Variants in TXLNB observed in about 807,000 individuals in gnomAD.
The protein encoded by TXLNB is taxilin beta, also known as beta-taxilin.
In TXLNB, 37 loss-of-function variants were observed where a neutral mutation model predicts 57.4. The observed-to-expected ratio is 0.64, with a 90% CI of 0.50 to 0.85. The LOEUF (loss-of-function observed/expected upper bound fraction) is 0.85. Ranked by LOEUF, TXLNB falls within the 40% of genes least tolerant of loss-of-function variation. The pLI, the probability that TXLNB is intolerant of heterozygous loss-of-function variation, is 0.00. For synonymous variants in TXLNB, 302 were observed against 309.6 expected, an observed-to-expected ratio of 0.98 and a Z score of 0.26; for missense variants, 848 against 825.6, an observed-to-expected ratio of 1.03 and a Z score of -0.33.
the TXLNB span, among the ~76,000 whole-genome samples, chr6:139,168,790 G>A: frequency 2.6e-5 from 4 of 152,256 alleles, no homozygotes; most frequent in South Asian, 2.1e-4. Flanking sequence ...GACTTTCAAC[G>A]TCTGAGAATA....
rs566742707 is a variant in TXLNB at position 139,264,856 on chromosome 6, C to T, written c.688-2083G>A. The stretch of plus-strand genomic sequence containing the variant: ...ATTATGGGGGTTGAGCCACTGCCCC[C>T]GGCCTATATTGTTTTTCAATGAGAC... On this transcript the variant is annotated intron_variant, in intron 4 of 9. Transcript: ENST00000358430. Among the ~76,000 whole-genome samples, 10 of 152,136 alleles carry T rather than the reference C, an allele frequency of 6.6e-5. No homozygotes were observed. The South Asian group carries it at 8.3e-4, about 13-fold the overall frequency.
At chr6:139,267,837 A>C (rs1215823525) in intron 4 of TXLNB, among the ~76,000 whole-genome samples, 1 of 152,180 alleles carries the variant, frequency 6.6e-6, no homozygotes, top group East Asian at 1.9e-4. Flanking sequence ...AATTGATATC[A>C]GATAATGTAG....
At chr6:139,318,706 T>C in the TXLNB span, among the ~76,000 whole-genome samples, 1 of 152,108 alleles carries the variant, frequency 6.6e-6, no homozygotes, top group African/African-American at 2.4e-5. Context: ...CTAACCAACT[T>C]AGAATTCTAT....
intron 8 of TXLNB, among the ~76,000 whole-genome samples, chr6:139,247,409 G>A (rs895010387): frequency 2.0e-5 from 3 of 151,288 alleles, no homozygotes; most frequent in African/African-American, 7.3e-5. Context: ...CAAAGTGCTG[G>A]GATTACAGGC....
the TXLNB span, among the ~76,000 whole-genome samples, chr6:139,163,510 C>T: frequency 1.3e-5 from 2 of 152,074 alleles, no homozygotes. Flanking sequence ...TGCGCCACTA[C>T]ACCCAGCTAA....
chr6:139,294,972 G>A (rs1321340660), upstream of TXLNB, among the ~76,000 whole-genome samples: 1 of 151,612 alleles, frequency 6.6e-6, no homozygotes, highest in Non-Finnish European at 1.5e-5. Flanking sequence ...CTGGGCGACA[G>A]AGCAAGACTC....
At chr6:139,291,838 A>G (rs1310291262) in intron 1 of TXLNB, 83 bp downstream of exon 1, 4 of 152,146 alleles carry the variant, frequency 2.6e-5, no homozygotes, top group Admixed American at 2.6e-4. Context: ...TTCACTGGCA[A>G]TCTCAAAGTT....
At chr6:139,278,503 C>G (rs1776958623) in intron 2 of TXLNB, among the ~76,000 whole-genome samples, 1 of 152,170 alleles carries the variant, frequency 6.6e-6, no homozygotes, top group African/African-American at 2.4e-5. Context: ...TTGGGTTATC[C>G]CTCTACTGAC....
the TXLNB span, among the ~76,000 whole-genome samples, chr6:139,181,504 C>T: frequency 9.9e-5 from 15 of 152,144 alleles, no homozygotes; most frequent in African/African-American, 3.4e-4. Context: ...AGATGAGTCC[C>T]GGTATTGCGG....
the TXLNB span, among the ~76,000 whole-genome samples, chr6:139,219,787 A>T: frequency 1.3e-5 from 2 of 152,174 alleles, no homozygotes; most frequent in Non-Finnish European, 2.9e-5. Flanking sequence ...GTCAGCAAAA[A>T]TCTAGAGTAT....
Position 139,243,005 on chromosome 6 carries a change from C to A in TXLNB, c.1576G>T (p.Glu526Ter), listed in dbSNP as rs1380289965. ...TPHQSKETQP[E>*]IGSSQESADA... The stretch of plus-strand genomic sequence containing the variant: ...GCACTCTCCTGAGAACTGCCTATTT[C>A]GGGTTGGGTTTCTTTGGACTGGTGC... The change falls in exon 10 of 10, where the codon GAA becomes TAA. Residue 526 changes from glutamate to a stop codon, truncating the protein, a stop_gained. Transcript: ENST00000358430. LOFTEE classifies it low-confidence loss of function (END_TRUNC). 3 of 1,613,956 alleles carry A rather than the reference C, an allele frequency of 1.9e-6. No individual in the cohort carries two copies. The highest frequency in any genetic ancestry group is 2.2e-5 in the East Asian group (1 of 44,882).
intron 6 of TXLNB, among the ~76,000 whole-genome samples, chr6:139,259,855 T>A (rs1776436345): frequency 6.6e-6 from 1 of 152,212 alleles, no homozygotes; most frequent in African/African-American, 2.4e-5. Context: ...TGCCTCAGAC[T>A]GGGCTGGCTA....
At chr6:139,161,125 G>A in the TXLNB span, among the ~76,000 whole-genome samples, 2 of 152,010 alleles carry the variant, frequency 1.3e-5, no homozygotes, top group African/African-American at 2.4e-5. Flanking sequence ...AATAATGTCC[G>A]AGTTTAGAGG....
chr6:139,239,841 TTCTCTCTCTG>T (rs570688541), downstream of TXLNB, among the ~76,000 whole-genome samples: 20 of 148,084 alleles, frequency 1.4e-4, no homozygotes, highest in African/African-American at 4.5e-4. This position sits in a 1 kb window ranked among gnomAD's most constrained non-coding sequence, Gnocchi z 4.7. Context: ...CTCCCTCCCT[TTCTCTCTCTG>T]TCTCTCTCTG....
chr6:139,310,246 C>G, the TXLNB span, among the ~76,000 whole-genome samples: 2 of 152,118 alleles, frequency 1.3e-5, no homozygotes, highest in Admixed American at 1.3e-4. Flanking sequence ...GGCTTAATAT[C>G]CAAAATTTGT....
the TXLNB span, among the ~76,000 whole-genome samples, chr6:139,225,752 T>C: frequency 6.6e-6 from 1 of 152,288 alleles, no homozygotes; most frequent in African/African-American, 2.4e-5. Context: ...CTCTTCAAAT[T>C]GATTTATACA....
rs1373116422 is a variant in TXLNB at position 139,288,710 on chromosome 6, C to A, written c.190G>T (p.Glu64Ter). ...DISEELNRQLEDIINTYGSAA... is the reference protein window; with the variant it reads ...DISEELNRQL ...GACCCATAAGTGTTAATGATGTCTTCCAGCTGTCGATTCAGCTCTTCAGAG... is the reference window on the plus strand; with the variant it reads ...GACCCATAAGTGTTAATGATGTCTTACAGCTGTCGATTCAGCTCTTCAGAG... The change falls in exon 2 of 10, where the codon GAA becomes TAA. Residue 64 changes from glutamate (E) to a stop codon, truncating the protein, a stop_gained. Transcript: ENST00000358430. LOFTEE classifies it high-confidence loss of function. The A allele has an allele frequency of 6.2e-7, 1 of 1,614,086 alleles. No individual in the cohort carries two copies. Among genetic ancestry groups the A allele is most frequent in the African/African-American group, 1.3e-5 (1 of 74,930 alleles).
chr6:139,232,878 T>C, the TXLNB span, among the ~76,000 whole-genome samples: 2 of 152,228 alleles, frequency 1.3e-5, no homozygotes, highest in African/African-American at 4.8e-5. Flanking sequence ...TTGAGCTGTG[T>C]TGAGTTTAAA....
chr6:139,319,933 TA>T, the TXLNB span, among the ~76,000 whole-genome samples: 498 of 151,216 alleles, frequency 3.3e-3, 2 homozygotes, highest in African/African-American at 0.011. Flanking sequence ...GGATAAAAAG[TA>T]AAAAAAAAGT....
Sources: allele counts gnomAD v4.1 joint callset (sites outside exome capture counted in the v4.1 genomes callset), GRCh38; gene constraint gnomAD v4.1.1; non-coding constraint Gnocchi (gnomAD v3.1); transcripts MANE v1.5; gene names NCBI Gene and HGNC (gene_info 2026-07-23, HGNC 2026-07-21).